The following CTNNA2 variants were observed in gnomAD, a reference collection of about 807,000 sequenced individuals.
CTNNA2 encodes the protein catenin alpha 2.
A neutral mutation model predicts 101.0 loss-of-function variants in CTNNA2; 42 were observed. The ratio of observed to expected loss-of-function variants is 0.42; its 90% CI spans 0.32 to 0.54. The LOEUF is 0.54. CTNNA2 is among the 20% of genes least tolerant of loss of function. CTNNA2 has a pLI of 0.14. For missense variants in CTNNA2, 871 were observed against 1,223.1 expected (o/e 0.71, Z 4.29); for synonymous variants, 450 against 456.4 (o/e 0.99, Z 0.18).
chr2:79,682,879 C>T (rs1271636143), intron 2 of CTNNA2, among the ~76,000 whole-genome samples: 2 of 152,084 alleles, frequency 1.3e-5, no homozygotes, highest in Admixed American at 1.3e-4. Context: ...TGTGGGTTCA[C>T]TAGCAAGAGG....
chr2:79,280,623 C>CTGTGTGTGTG (rs369268407), intron 2 of CTNNA2, among the ~76,000 whole-genome samples: 5,043 of 129,044 alleles, frequency 0.039, 212 homozygotes, highest in African/African-American at 0.11. Context: ...ATCCTGTATG[C>CTGTGTGTGTG]TGTGTGTGTG....
At chr2:80,400,493 T>C (rs1200980150) in intron 8 of CTNNA2, among the ~76,000 whole-genome samples, 1 of 152,128 alleles carries the variant, frequency 6.6e-6, no homozygotes, top group Non-Finnish European at 1.5e-5. Flanking sequence ...GGGTGGAAAA[T>C]TGTGAAGAAG....
At chr2:79,716,540 T>A (rs955864448) in intron 2 of CTNNA2, among the ~76,000 whole-genome samples, 81 of 152,308 alleles carry the variant, frequency 5.3e-4, no homozygotes, top group African/African-American at 1.9e-3. Context: ...CTCCCACTGA[T>A]AAGTGACAAC....
chr2:80,430,242 A>T (rs1286374039), intron 9 of CTNNA2, among the ~76,000 whole-genome samples: 1 of 152,210 alleles, frequency 6.6e-6, no homozygotes, highest in South Asian at 2.1e-4. Context: ...AATAGAGGGC[A>T]ATTAACTATG....
At chr2:79,697,306 T>A (rs1050435450) in intron 2 of CTNNA2, among the ~76,000 whole-genome samples, 1 of 152,006 alleles carries the variant, frequency 6.6e-6, no homozygotes, top group Non-Finnish European at 1.5e-5. Context: ...ACTGCTACTT[T>A]AAACTTCCGT....
intron 2 of CTNNA2, among the ~76,000 whole-genome samples, chr2:79,681,474 A>G (rs1226294389): frequency 1.3e-5 from 2 of 152,082 alleles, no homozygotes; most frequent in Non-Finnish European, 2.9e-5. Context: ...TTCCTGTAAT[A>G]TGGGAATGGT....
chr2:80,507,781 T>A (rs1168781155), intron 9 of CTNNA2, among the ~76,000 whole-genome samples: 1 of 152,168 alleles, frequency 6.6e-6, no homozygotes. Flanking sequence ...TATGCAGGCA[T>A]TACTAAGCAT....
At chr2:80,099,043 G>A (rs1022435568) in intron 7 of CTNNA2, among the ~76,000 whole-genome samples, 16 of 151,970 alleles carry the variant, frequency 1.1e-4, no homozygotes, top group Non-Finnish European at 2.1e-4. Flanking sequence ...TCCCCAGTGA[G>A]ATGAACCCGG....
chr2:79,628,214 G>A (rs1679445787), intron 1 of CTNNA2, among the ~76,000 whole-genome samples: 1 of 152,124 alleles, frequency 6.6e-6, no homozygotes, highest in Non-Finnish European at 1.5e-5. Flanking sequence ...CACTTTGGGA[G>A]ACCGAGGTGG....
intron 4 of CTNNA2, among the ~76,000 whole-genome samples, chr2:79,462,161 G>GAT (rs544686024): frequency 9.8e-5 from 15 of 152,290 alleles, no homozygotes; most frequent in Non-Finnish European, 1.8e-4. Context: ...TACCTACAGA[G>GAT]ATATAAAAGA....
At chr2:79,947,397 G>A (rs1178982126) in intron 7 of CTNNA2, among the ~76,000 whole-genome samples, 1 of 152,134 alleles carries the variant, frequency 6.6e-6, no homozygotes, top group East Asian at 1.9e-4. Flanking sequence ...GGGTTGGAAT[G>A]CTTATTTGTT....
rs1271635330 is a variant in CTNNA2 at position 79,915,298 on chromosome 2, CACACACAA to C, written c.1056+5509_1056+5516del. The stretch of plus-strand genomic sequence containing the variant: ...CATATAGGAGTGGTATATTTACACA[CACACACAA>C]ACACACACACACACACACACACACA... On this transcript the variant is annotated intron_variant, in intron 7 of 18. Coordinates refer to ENST00000402739, the MANE Select transcript of CTNNA2 (RefSeq NM_001282597.3). 6.6e-4 allele frequency among the ~76,000 whole-genome samples: 56 copies of C among 84,996 alleles called. 2 individuals carry two copies. Among genetic ancestry groups the C allele is most frequent in the African/African-American group, 3.5e-3 (56 of 16,106 alleles). 55.8% of individuals were successfully genotyped at this position (84,996 alleles called of 152,430 possible). A position where few individuals can be genotyped will look rare whatever the true frequency, so the allele number is the denominator to read the frequency against.
At chr2:79,504,490 A>G (rs757236084) in intron 4 of CTNNA2, among the ~76,000 whole-genome samples, 1 of 152,044 alleles carries the variant, frequency 6.6e-6, no homozygotes, top group Non-Finnish European at 1.5e-5. Flanking sequence ...GGCTTTCACC[A>G]TATTGACCAG....
chr2:79,243,468 C>T (rs550537646), intron 2 of CTNNA2, among the ~76,000 whole-genome samples: 39 of 152,270 alleles, frequency 2.6e-4, no homozygotes, highest in South Asian at 6.2e-4. Context: ...TTCCTCCTTT[C>T]GCCCCTGTCC....
At chr2:80,595,189 T>C (rs562099325) in intron 15 of CTNNA2, among the ~76,000 whole-genome samples, 1 of 152,314 alleles carries the variant, frequency 6.6e-6, no homozygotes, top group South Asian at 2.1e-4. Context: ...GTTTTCAGCA[T>C]GCAAGTCTTC....
At chr2:80,611,949 G>T (rs950029200) in intron 17 of CTNNA2, among the ~76,000 whole-genome samples, 19 of 151,498 alleles carry the variant, frequency 1.3e-4, no homozygotes, top group African/African-American at 4.6e-4. Flanking sequence ...AATTTTAATA[G>T]ATTTTATTAC....
chr2:80,546,949 T>C (rs1353106502), intron 11 of CTNNA2, among the ~76,000 whole-genome samples: 1 of 152,180 alleles, frequency 6.6e-6, no homozygotes, highest in African/African-American at 2.4e-5. Flanking sequence ...AACTCACACC[T>C]ACTGACTCAG....
intron 7 of CTNNA2, among the ~76,000 whole-genome samples, chr2:80,267,816 A>G (rs1261144332): frequency 6.6e-6 from 1 of 152,194 alleles, no homozygotes; most frequent in African/African-American, 2.4e-5. Context: ...TGGATTTTTC[A>G]GTGAGGATGA....
chr2:80,316,535 A>G (rs953641496), intron 7 of CTNNA2, among the ~76,000 whole-genome samples: 3 of 152,176 alleles, frequency 2.0e-5, no homozygotes, highest in Non-Finnish European at 4.4e-5. Context: ...TAAGACCAAC[A>G]CAATTTAAGC....
Sources: allele counts gnomAD v4.1 joint callset (sites outside exome capture counted in the v4.1 genomes callset), GRCh38; gene constraint gnomAD v4.1.1; transcripts MANE v1.5; gene names NCBI Gene and HGNC (gene_info 2026-07-23, HGNC 2026-07-21).